Variants in SACS observed in about 807,000 individuals in gnomAD.
SACS encodes the protein sacsin molecular chaperone.
In SACS, 197 loss-of-function variants were observed where a neutral mutation model predicts 348.0. The observed-to-expected ratio is 0.57, with a 90% CI of 0.50 to 0.64. The LOEUF is 0.64. SACS is among the 30% of genes least tolerant of loss of function. SACS has a pLI of 0.00. For synonymous variants in SACS, 1,985 were observed against 1,910.6 expected (o/e 1.04, Z -1.02); for missense variants, 4,999 against 5,360.8 (o/e 0.93, Z 2.11).
chr13:23,394,541 A>G (rs1006789273), intron 2 of SACS, among the ~76,000 whole-genome samples: 1 of 152,188 alleles, frequency 6.6e-6, no homozygotes, highest in Non-Finnish European at 1.5e-5. Flanking sequence ...TTACAGTGTC[A>G]TGACTTGCAT....
chr13:23,394,925 T>C (rs1425812793), intron 2 of SACS, among the ~76,000 whole-genome samples: 1 of 152,216 alleles, frequency 6.6e-6, no homozygotes, highest in Non-Finnish European at 1.5e-5. Flanking sequence ...GGACCTCTCA[T>C]ACCCAGACAC....
intron 2 of SACS, among the ~76,000 whole-genome samples, chr13:23,406,959 T>C (rs896173086): frequency 6.6e-6 from 1 of 152,204 alleles, no homozygotes; most frequent in African/African-American, 2.4e-5. Flanking sequence ...TTCACCTCTT[T>C]GCAAATTAAA....
rs1566060493 is a variant in SACS, at chr13:23,333,975, G to C, written c.9901C>G (p.Leu3301Val). 3 of 1,613,866 alleles carry C rather than the reference G, an allele frequency of 1.9e-6. No individual in the cohort carries two copies. The highest frequency in any genetic ancestry group is 2.2e-5 in the South Asian group (2 of 91,062). ...NQLVVPEGDV[L>V]LPLSLMHIAV... Reference sequence around the variant, plus strand: ...ATGTGCATAAGGCTGAGAGGAAGCAGAACATCTCCTTCAGGAACCACAAGC... The same window carrying C: ...ATGTGCATAAGGCTGAGAGGAAGCACAACATCTCCTTCAGGAACCACAAGC... The change falls in exon 10 of 10, where the codon CTG becomes GTG. Residue 3301 changes from leucine to valine, a missense_variant. By Grantham distance (32) the Leu-to-Val change is conservative (BLOSUM62 1). Transcript: ENST00000382292.
chr13:23,428,361 T>C (rs2091981256), intron 1 of SACS: 1 of 152,082 alleles, frequency 6.6e-6, no homozygotes, highest in Admixed American at 6.6e-5. Context: ...AAAATATGAG[T>C]CAGCAAAGAC....
chr13:23,334,212 A>C lies in SACS; in HGVS notation c.9664T>G (p.Leu3222Val). 6.2e-7 allele frequency: 1 copy of C among 1,613,828 alleles called. No individual in the cohort carries two copies. Among genetic ancestry groups the C allele is most frequent in the Non-Finnish European group, 8.5e-7 (1 of 1,179,806 alleles). The change falls in exon 10 of 10, where the codon TTG becomes GTG. Residue 3222 changes from leucine to valine, a missense_variant. Physicochemically the swap from Leu to Val is conservative, Grantham distance 32. This residue lies in a region of SACS where 734 missense variants were observed against 694.0 expected (regional missense o/e 1.06). Coordinates refer to ENST00000382292, the MANE Select transcript of SACS (RefSeq NM_014363.6). Reference sequence around the variant, plus strand: ...CTTTTGGTCTTATATTCTCGAGGCAACACAGAGGATAACAAATCAGCAAAG... The same window carrying C: ...CTTTTGGTCTTATATTCTCGAGGCACCACAGAGGATAACAAATCAGCAAAG... ...SSFADLLSSV[L>V]PREYKTKSCT...
At chr13:23,397,427 T>C (rs1188648428) in intron 2 of SACS, among the ~76,000 whole-genome samples, 1 of 152,212 alleles carries the variant, frequency 6.6e-6, no homozygotes, top group East Asian at 1.9e-4. Flanking sequence ...CTCACTAAGA[T>C]TGGATTAATT....
At chr13:23,417,586 C>T (rs1188612877) in intron 1 of SACS, among the ~76,000 whole-genome samples, 2 of 151,928 alleles carry the variant, frequency 1.3e-5, no homozygotes, top group Admixed American at 1.3e-4. Context: ...GAAACAAGCA[C>T]GAAAATTTAT....
At chr13:23,388,483 G>GTA (rs1872394594) in intron 2 of SACS, among the ~76,000 whole-genome samples, 1 of 82,440 alleles carries the variant, frequency 1.2e-5, no homozygotes, top group African/African-American at 4.3e-5. Context: ...AATATGGTGT[G>GTA]TGTGTATATA....
Position 23,340,693 on chromosome 13 carries a change from T to C in SACS, c.3183A>G (p.Leu1061=). 1 of 1,591,458 alleles carries C rather than the reference T, an allele frequency of 6.3e-7. No individual in the cohort carries two copies. Among genetic ancestry groups the C allele is most frequent in the Non-Finnish European group, 8.5e-7 (1 of 1,172,256 alleles). ...GELFDPDIEV[L]KDLFCNEEGT... ...CTTCTTCATTACAAAAGAGATCCTTTAGTACTTCTATATCAGGGTCAAAGA... is the reference window on the plus strand; with the variant it reads ...CTTCTTCATTACAAAAGAGATCCTTCAGTACTTCTATATCAGGGTCAAAGA... The change falls in exon 10 of 10, where the codon CTA becomes CTG. Residue 1061 remains leucine, a synonymous_variant. Transcript: ENST00000382292.
At chr13:23,396,795 T>G (rs1469913098) in intron 2 of SACS, among the ~76,000 whole-genome samples, 3 of 152,200 alleles carry the variant, frequency 2.0e-5, no homozygotes, top group Non-Finnish European at 2.9e-5. Flanking sequence ...ATGGCTAGCT[T>G]TGTATAATGT....
At chr13:23,350,121 C>T (rs1435582997) in intron 9 of SACS, among the ~76,000 whole-genome samples, 1 of 152,094 alleles carries the variant, frequency 6.6e-6, no homozygotes, top group East Asian at 1.9e-4. Flanking sequence ...CTGAGGGCTT[C>T]AAAGAGGAAT....
At chr13:23,391,298 A>G (rs1872518332) in intron 2 of SACS, among the ~76,000 whole-genome samples, 1 of 152,206 alleles carries the variant, frequency 6.6e-6, no homozygotes, top group South Asian at 2.1e-4. Flanking sequence ...TGAACATCCA[A>G]GCATCTTTCC....
At chr13:23,433,536 A>C (rs1321810927) in intron 1 of SACS, 79 bp downstream of exon 1, 1 of 152,262 alleles carries the variant, frequency 6.6e-6, no homozygotes, top group Non-Finnish European at 1.5e-5. Context: ...GATGGCCAAC[A>C]ACACCATGGA....
At chr13:23,369,842 G>C (rs955873340) in intron 4 of SACS, among the ~76,000 whole-genome samples, 1 of 150,418 alleles carries the variant, frequency 6.6e-6, no homozygotes, top group Non-Finnish European at 1.5e-5. Flanking sequence ...ACCATGCCCA[G>C]CCTATCCCAC....
intron 1 of SACS, among the ~76,000 whole-genome samples, chr13:23,414,231 A>C (rs73447018): frequency 0.28 from 42,203 of 152,144 alleles, 6,644 homozygotes; most frequent in East Asian, 0.46. Context: ...GTGAACCCGG[A>C]AGGCGGAGCC....
chr13:23,395,131 C>T (rs1422923862), intron 2 of SACS, among the ~76,000 whole-genome samples: 1 of 129,246 alleles, frequency 7.7e-6, no homozygotes, highest in Non-Finnish European at 1.8e-5. Context: ...CTGGGCTTCC[C>T]TGTTTATTAA....
chr13:23,422,689 C>T (rs905990785), intron 1 of SACS, among the ~76,000 whole-genome samples: 38 of 150,354 alleles, frequency 2.5e-4, no homozygotes, highest in African/African-American at 9.0e-4. Context: ...GACGGAGTCT[C>T]ACTCTGTCGC....
At chr13:23,341,780 CTTTTTTTTTTTTTTT>C (rs4068499) in intron 9 of SACS, 90 bp from the exon 10 acceptor site, 30 of 299,054 alleles carry the variant, frequency 1.0e-4, no homozygotes, top group Non-Finnish European at 9.8e-5. Context: ...CTGGAAGGTT[CTTTTTTTTTTTTTTT>C]TTTTTTTTTT....
chr13:23,335,435 T>C lies in SACS; in HGVS notation c.8441A>G (p.Asn2814Ser), dbSNP rs1868483295. 6.2e-7 allele frequency: 1 copy of C among 1,613,938 alleles called. No homozygotes were observed. ...ATTACAAATTAGCCACGTAGTAAGA[T>C]TTCCTTCAGAGTCCTCAGTATCCAT... ...YTMDTEDSEG[N>S]LTTWLICNRS... The change falls in exon 10 of 10, where the codon AAT becomes AGT. Residue 2814 changes from asparagine (N) to serine (S), a missense_variant. By Grantham distance (46) the Asn-to-Ser change is conservative. Transcript: ENST00000382292. This position sits in a 1 kb window ranked among gnomAD's most constrained non-coding sequence, Gnocchi z 4.7.
Sources: gnomAD v4.1 joint callset for allele counts (sites outside exome capture counted in the v4.1 genomes callset) on GRCh38, gnomAD v4.1.1 for gene constraint, gnomAD v4.1.1 regional missense constraint, Gnocchi (gnomAD v3.1) non-coding constraint, MANE v1.5 for transcripts, NCBI Gene and HGNC (gene_info 2026-07-23, HGNC 2026-07-21) for gene names.